Variants in MARCHF4 observed in about 807,000 individuals in gnomAD.
MARCHF4 encodes membrane associated ring-CH-type finger 4.
Under a neutral mutation model 43.9 loss-of-function variants are expected in MARCHF4, and 14 were observed. The observed-to-expected ratio is 0.32, with a 90% CI of 0.21 to 0.50. The LOEUF (loss-of-function observed/expected upper bound fraction) is 0.50, where lower values mean the gene tolerates loss of function less well. Among genes scored for constraint, MARCHF4 ranks in the 20% least tolerant of loss-of-function variants. The probability of loss-of-function intolerance (pLI) is 0.98; values close to 1 mark genes in which losing one functional copy is unlikely to be tolerated. For synonymous variants in MARCHF4, 226 were observed against 213.3 expected, an observed-to-expected ratio of 1.06 and a Z score of -0.52; for missense variants, 468 against 536.7, an observed-to-expected ratio of 0.87 and a Z score of 1.27.
In MARCHF4 at chr2:216,364,425, A is replaced by G. The variant is rs998061296; in HGVS notation, c.516+5320T>C. 7.0e-4 allele frequency among the ~76,000 whole-genome samples: 107 copies of G among 152,172 alleles called. 1 individual carries two copies. Among genetic ancestry groups the G allele is most frequent in the African/African-American group, 2.5e-3 (105 of 41,444 alleles). ...AGTGCTCCCCTTAGACCCAGGCAAG[A>G]GAACCCCTAGCTCTAGAGGACCCCA... On this transcript the variant is annotated intron_variant, in intron 1 of 3. Coordinates refer to ENST00000273067, the MANE Select transcript of MARCHF4 (RefSeq NM_020814.3).
intron 1 of MARCHF4, among the ~76,000 whole-genome samples, chr2:216,365,379 C>T (rs977915154): frequency 2.0e-5 from 3 of 152,250 alleles, no homozygotes; most frequent in African/African-American, 7.2e-5. Context: ...GAACAGGTGG[C>T]CTCCCACCCT....
chr2:216,289,665 T>G (rs943930961), intron 1 of MARCHF4, among the ~76,000 whole-genome samples: 4 of 152,222 alleles, frequency 2.6e-5, no homozygotes, highest in Non-Finnish European at 5.9e-5. Context: ...GCCATGGTAG[T>G]GACAGGTAAA....
intron 1 of MARCHF4, among the ~76,000 whole-genome samples, chr2:216,365,374 G>C (rs1692648369): frequency 6.6e-6 from 1 of 152,222 alleles, no homozygotes; most frequent in South Asian, 2.1e-4. Flanking sequence ...GGCCAGAACA[G>C]GTGGCCTCCC....
chr2:216,312,567 T>C (rs549176862), intron 1 of MARCHF4, among the ~76,000 whole-genome samples: 1 of 152,368 alleles, frequency 6.6e-6, no homozygotes, highest in Non-Finnish European at 1.5e-5. Context: ...TCTGACTTTT[T>C]ACTAATAGCC....
At chr2:216,344,731 T>C (rs539061605) in intron 1 of MARCHF4, among the ~76,000 whole-genome samples, 1 of 151,716 alleles carries the variant, frequency 6.6e-6, no homozygotes, top group East Asian at 1.9e-4. Context: ...GTTAAAGGCT[T>C]GCCTGCATGC....
intron 1 of MARCHF4, among the ~76,000 whole-genome samples, chr2:216,353,536 C>A (rs1274359009): frequency 6.6e-6 from 1 of 152,042 alleles, no homozygotes; most frequent in East Asian, 1.9e-4. Context: ...CTCTCTGGGT[C>A]CTTGTTTCTT....
At position 216,370,122 on chromosome 2, in the gene MARCHF4, T is replaced by C. The variant is rs1477674038; in HGVS notation, c.139A>G (p.Asn47Asp). The C allele has an allele frequency of 1.2e-6, 2 of 1,603,988 alleles. No individual in the cohort carries two copies. Among genetic ancestry groups the C allele is most frequent in the Admixed American group, 1.7e-5 (1 of 58,296 alleles). ...CGCAGTAAGAAAACCTTCAGGTCAT[T>C]GAAGAGCATGCGGCAGCGGCACTTG... The part of the protein sequence containing the change: ...LLKCRCRMLF[N>D]DLKVFLLRRP... Residue 47 changes from asparagine to aspartate, a missense_variant, in exon 1 of 4, where the codon AAT (asparagine) becomes GAT (aspartate). Coordinates refer to ENST00000273067, the MANE Select transcript of MARCHF4 (RefSeq NM_020814.3).
Position 216,356,565 on chromosome 2 carries a change from C to T in MARCHF4, c.516+13180G>A, listed in dbSNP as rs150571523. 6.3e-4 allele frequency among the ~76,000 whole-genome samples: 96 copies of T among 152,258 alleles called. 3 individuals are homozygous for T. Among genetic ancestry groups the T allele is most frequent in the African/African-American group, 2.2e-3 (92 of 41,556 alleles). On this transcript the variant is annotated intron_variant, in intron 1 of 3. Transcript: ENST00000273067. ...CCTAAAGCCACACAGCTAGTAAATG[C>T]TAGAGCCTGGATTCTAATACAGGTT...
intron 1 of MARCHF4, among the ~76,000 whole-genome samples, chr2:216,313,902 C>CA (rs1460312257): frequency 6.6e-6 from 1 of 152,118 alleles, no homozygotes. Context: ...ATGGGAAGCA[C>CA]TTAGGGCTAA....
At chr2:216,361,405 A>G (rs1692576907) in intron 1 of MARCHF4, among the ~76,000 whole-genome samples, 1 of 152,182 alleles carries the variant, frequency 6.6e-6, no homozygotes, top group African/African-American at 2.4e-5. Context: ...AGGACCCTCA[A>G]TGCAAATCCC....
At chr2:216,341,850 C>A (rs1692242302) in intron 1 of MARCHF4, among the ~76,000 whole-genome samples, 1 of 152,162 alleles carries the variant, frequency 6.6e-6, no homozygotes, top group Non-Finnish European at 1.5e-5. Context: ...CTGGAGCAGC[C>A]AGGATGGTGG....
chr2:216,371,759 T>C lies in MARCHF4; in HGVS notation c.-1499A>G, dbSNP rs1008392931. 2.0e-5 allele frequency: 3 copies of C among 152,040 alleles called. No homozygotes were observed. The highest frequency in any genetic ancestry group is 7.2e-5 in the African/African-American group (3 of 41,478). The allele number at this position is 152,040 out of a possible 1,614,324, so 9.4% of individuals were successfully genotyped here. ...AATGAAATAATACTAGTGGAATAAT[T>C]CGGTTCTCAGGCAAGAGTGCTTCTG... On this transcript the variant is annotated 5_prime_UTR_variant, in exon 1 of 4. Transcript: ENST00000273067.
chr2:216,345,652 T>C (rs139005169), intron 1 of MARCHF4, among the ~76,000 whole-genome samples: 1 of 152,302 alleles, frequency 6.6e-6, no homozygotes, highest in East Asian at 1.9e-4. Context: ...CAGATAATTC[T>C]AATATGCCAG....
intron 1 of MARCHF4, among the ~76,000 whole-genome samples, chr2:216,362,346 A>G (rs1480953905): frequency 6.6e-6 from 1 of 152,252 alleles, no homozygotes; most frequent in African/African-American, 2.4e-5. Flanking sequence ...AGCACTATTA[A>G]TCTGGAATGA....
chr2:216,263,493 A>AGAGAG (rs1559280497), intron 3 of MARCHF4, among the ~76,000 whole-genome samples: 2 of 58,974 alleles, frequency 3.4e-5, no homozygotes, highest in African/African-American at 3.9e-5. Context: ...AGGAGAGAGA[A>AGAGAG]AGAGAGAGAG....
At chr2:216,267,545 T>C (rs751999155) in intron 3 of MARCHF4, among the ~76,000 whole-genome samples, 3 of 152,190 alleles carry the variant, frequency 2.0e-5, no homozygotes, top group Non-Finnish European at 4.4e-5. Context: ...GGAACTTCTA[T>C]TGGGTTAAAC....
intron 1 of MARCHF4, among the ~76,000 whole-genome samples, chr2:216,345,683 C>A (rs1020552902): frequency 3.9e-5 from 6 of 152,182 alleles, no homozygotes; most frequent in African/African-American, 1.4e-4. Flanking sequence ...GAACCACTGA[C>A]CCCTTTGCTG....
intron 3 of MARCHF4, among the ~76,000 whole-genome samples, chr2:216,267,862 G>T (rs1350866539): frequency 6.6e-6 from 1 of 152,142 alleles, no homozygotes; most frequent in African/African-American, 2.4e-5. Context: ...TAAATGAAAT[G>T]CCTCTCGAGG....
chr2:216,366,566 C>G (rs150751447), intron 1 of MARCHF4, among the ~76,000 whole-genome samples: 1 of 152,166 alleles, frequency 6.6e-6, no homozygotes, highest in Non-Finnish European at 1.5e-5. Flanking sequence ...TTCACATTCA[C>G]GCTTTTGAAC....
Sources: gnomAD v4.1 joint callset for allele counts (sites outside exome capture counted in the v4.1 genomes callset) on GRCh38, gnomAD v4.1.1 for gene constraint, MANE v1.5 for transcripts, NCBI Gene and HGNC (gene_info 2026-07-23, HGNC 2026-07-21) for gene names.